NALF2: variants seen among roughly 807,000 people sequenced by gnomAD.
NALF2 encodes the protein NALCN channel auxiliary factor 2.
In NALF2, 1 loss-of-function variant was observed where a neutral mutation model predicts 24.8. The observed-to-expected ratio is 0.04, with a 90% CI of 0.01 to 0.19. The LOEUF is 0.19. Ranked by LOEUF, NALF2 falls within the 10% of genes least tolerant of loss-of-function variation. NALF2 has a pLI of 1.00. For synonymous variants in NALF2, 254 were observed against 189.8 expected (o/e 1.34, Z -2.78); for missense variants, 458 against 409.6 (o/e 1.12, Z -1.02).
chrX:69,505,548 A>T lies in NALF2; in HGVS notation c.266A>T (p.Gln89Leu). 1.0e-6 allele frequency: 1 copy of T among 956,658 alleles called. No homozygotes were observed. The highest frequency in any genetic ancestry group is 1.3e-6 in the Non-Finnish European group (1 of 772,230). The allele number at this position is 956,658 out of a possible 1,213,427, so 78.8% of individuals were successfully genotyped here. Residue 89 changes from glutamine to leucine, a missense_variant, in exon 1 of 3, where the codon CAG (glutamine) becomes CTG (leucine). Physicochemically the swap from Gln to Leu is moderately radical, Grantham distance 113 (BLOSUM62 -2). Transcript: ENST00000252338. ...RPPWGAGRER[Q>L]PVPPRAVLPL... ...CCATGGGGGGCCGGCCGGGAGCGGC[A>T]GCCGGTGCCTCCTCGCGCGGTGCTG...
At chrX:69,529,257 A>C (rs1240040492) in intron 2 of NALF2, 93 bp downstream of exon 2, 4 of 971,311 alleles carry the variant, frequency 4.1e-6, no homozygotes, top group East Asian at 6.6e-5. Context: ...ACAACAGGGG[A>C]GTCAGGTGAG....
At chrX:69,507,522 A>C (rs1339121192) in intron 1 of NALF2, among the ~76,000 whole-genome samples, 1 of 111,076 alleles carries the variant, frequency 9.0e-6, no homozygotes, top group Non-Finnish European at 1.9e-5. Context: ...ACACACTGCC[A>C]TACACCATCA....
At chrX:69,524,716 T>A (rs943451859) in intron 1 of NALF2, among the ~76,000 whole-genome samples, 1 of 111,430 alleles carries the variant, frequency 9.0e-6, no homozygotes, top group African/African-American at 3.3e-5. Context: ...GAAACAGGGC[T>A]GCAGAGTCTA....
At position 69,505,770 on chromosome X, in the gene NALF2, C is replaced by G. The variant is rs763487166; in HGVS notation, c.488C>G (p.Ala163Gly). ...AGACTTTTCGAACCGACTACTCCGG[C>G]CCCCCCTCTGCGGCCCCCTGACTCC... ...LQRLFEPTTPAPPLRPPDSLS... is the reference protein window; with the variant it reads ...LQRLFEPTTPGPPLRPPDSLS... The change falls in exon 1 of 3, where the codon GCC (alanine) becomes GGC (glycine). Residue 163 changes from alanine to glycine, a missense_variant. By Grantham distance (60) the Ala-to-Gly change is moderately conservative. Coordinates refer to ENST00000252338, the MANE Select transcript of NALF2 (RefSeq NM_015686.3). The G allele has an allele frequency of 2.5e-6, 3 of 1,208,363 alleles. No homozygotes were observed. Among genetic ancestry groups the G allele is most frequent in the Admixed American group, 2.2e-5 (1 of 45,944 alleles).
intron 1 of NALF2, among the ~76,000 whole-genome samples, chrX:69,522,048 G>T (rs912032930): frequency 4.5e-5 from 5 of 112,070 alleles, no homozygotes; most frequent in African/African-American, 1.6e-4. Context: ...TAAGAGCTGC[G>T]AGTGAAGCCA....
chrX:69,524,644 C>CCCT (rs140563275), intron 1 of NALF2, among the ~76,000 whole-genome samples: 1 of 109,657 alleles, frequency 9.1e-6, no homozygotes, highest in Admixed American at 9.7e-5. Context: ...CAACCTCCCC[C>CCCT]GTCAACCCCT....
chrX:69,505,732 G>T lies in NALF2; in HGVS notation c.450G>T (p.Leu150Phe). 19 of 1,211,282 alleles carry T rather than the reference G, an allele frequency of 1.6e-5. No individual in the cohort carries two copies. The highest frequency in any genetic ancestry group is 2.0e-5 in the Non-Finnish European group (18 of 895,186). ...PTGLDAACTK[L>F]QSLQRLFEPT... ...GGCTGGACGCAGCTTGCACCAAATT[G>T]CAATCTTTGCAGAGACTTTTCGAAC... The change falls in exon 1 of 3, where the codon TTG becomes TTT. Residue 150 changes from leucine (L) to phenylalanine (F), a missense_variant. Leu to Phe is a conservative substitution (Grantham distance 22). Transcript: ENST00000252338.
At chrX:69,517,473 G>A (rs888258995) in intron 1 of NALF2, among the ~76,000 whole-genome samples, 11 of 111,936 alleles carry the variant, frequency 9.8e-5, no homozygotes, top group Admixed American at 2.8e-4. Flanking sequence ...TAAATGTCTG[G>A]GTCAGGTGAT....
chrX:69,527,930 A>G (rs897166293), intron 1 of NALF2, among the ~76,000 whole-genome samples: 1 of 111,520 alleles, frequency 9.0e-6, no homozygotes, highest in South Asian at 3.8e-4. Flanking sequence ...AACTGGAGAC[A>G]ATACCCCTAC....
chrX:69,530,891 C>T lies in NALF2; in HGVS notation c.*935C>T, dbSNP rs1331345992. On this transcript the variant is annotated 3_prime_UTR_variant, in exon 3 of 3. Transcript: ENST00000252338. The stretch of plus-strand genomic sequence containing the variant: ...TATCTTACAGAAGGTGCACATACTC[C>T]CAAGGGCCACTCTTGCCCTGGAGAT... 1 of 112,941 alleles carries T rather than the reference C, an allele frequency of 8.9e-6. No individual in the cohort carries two copies. The highest frequency in any genetic ancestry group is 1.9e-5 in the Non-Finnish European group (1 of 53,249). The allele number at this position is 112,941 out of a possible 1,213,427, so 9.3% of individuals were successfully genotyped here.
intron 1 of NALF2, among the ~76,000 whole-genome samples, chrX:69,519,395 C>T (rs925352936): frequency 1.8e-5 from 2 of 110,744 alleles, no homozygotes; most frequent in African/African-American, 6.7e-5. Flanking sequence ...AAGATACAAT[C>T]TGTCCTTGGT....
At position 69,529,653 on chromosome X, in the gene NALF2, G is replaced by A. The variant is rs373799360; in HGVS notation, c.1116G>A (p.Lys372=). 12 of 1,208,554 alleles carry A rather than the reference G, an allele frequency of 9.9e-6. No individual in the cohort carries two copies. The African/African-American group carries it at 1.8e-4, about 18-fold the overall frequency. ...QWVSCEAKKK[K]FKESEAPKTH... ...TCTCCTGTGAGGCGAAGAAGAAGAAGTTCAAGGAGTCTGAGGCCCCCAAAA... is the reference window on the plus strand; with the variant it reads ...TCTCCTGTGAGGCGAAGAAGAAGAAATTCAAGGAGTCTGAGGCCCCCAAAA... Residue 372 remains lysine (K), a synonymous_variant, in exon 3 of 3, where the codon AAG becomes AAA. Coordinates refer to ENST00000252338, the MANE Select transcript of NALF2 (RefSeq NM_015686.3).
intron 1 of NALF2, among the ~76,000 whole-genome samples, chrX:69,527,364 A>G (rs1015640160): frequency 8.9e-6 from 1 of 112,451 alleles, no homozygotes; most frequent in Non-Finnish European, 1.9e-5. Flanking sequence ...ATCACCCACT[A>G]GTACCTCCCT....
At chrX:69,508,252 T>C (rs922471760) in intron 1 of NALF2, among the ~76,000 whole-genome samples, 1 of 111,607 alleles carries the variant, frequency 9.0e-6, no homozygotes, top group South Asian at 3.8e-4. Context: ...GTGTGTGTTA[T>C]GAGATCAAGG....
intron 1 of NALF2, among the ~76,000 whole-genome samples, chrX:69,513,729 CT>C (rs67752379): frequency 0.2 from 22,033 of 107,777 alleles, 1,991 homozygotes; most frequent in Non-Finnish European, 0.29. Context: ...AGCACTTAGT[CT>C]TTTTTTTTTC....
intron 1 of NALF2, among the ~76,000 whole-genome samples, chrX:69,523,983 TG>T (rs1441930399): frequency 8.9e-6 from 1 of 112,023 alleles, no homozygotes; most frequent in Non-Finnish European, 1.9e-5. Context: ...CAACCGTGGC[TG>T]CATACTAAAA....
In NALF2 at chrX:69,530,151, C is replaced by G. The variant is rs1930881929; in HGVS notation, c.*195C>G. 5 of 383,919 alleles carry G rather than the reference C, an allele frequency of 1.3e-5. No individual in the cohort carries two copies. The highest frequency in any genetic ancestry group is 2.2e-5 in the Non-Finnish European group (5 of 224,610). 31.6% of individuals were successfully genotyped at this position (383,919 alleles called of 1,213,427 possible). On this transcript the variant is annotated 3_prime_UTR_variant, in exon 3 of 3. Transcript: ENST00000252338. ...AGAATGGCCAGAGGGCCTCAGGGAG[C>G]TGCAAAACTCATCCAGGAGAAAAAG...
Position 69,505,221 on chromosome X carries a change from G to C in NALF2, c.-62G>C, listed in dbSNP as rs1351407311. ...GCGCAGAGCGGCGCGCAGCCCGCCC[G>C]CCCCAGACGGCCGTCTGGCCTCGCG... On this transcript the variant is annotated 5_prime_UTR_variant, in exon 1 of 3. Transcript: ENST00000252338. 11 of 1,065,670 alleles carry C rather than the reference G, an allele frequency of 1.0e-5. No individual in the cohort carries two copies. In the Admixed American group the frequency reaches 2.4e-4, roughly 23 times the overall value. The allele number at this position is 1,065,670 out of a possible 1,213,427, so 87.8% of individuals were successfully genotyped here.
chrX:69,506,429 C>G (rs1930488637), intron 1 of NALF2, among the ~76,000 whole-genome samples: 1 of 112,917 alleles, frequency 8.9e-6, no homozygotes, highest in Non-Finnish European at 1.9e-5. Context: ...GCCGCAGGGC[C>G]CTGGGCTGAC....
Sources: gnomAD v4.1 joint callset for allele counts (sites outside exome capture counted in the v4.1 genomes callset) on GRCh38, gnomAD v4.1.1 for gene constraint, MANE v1.5 for transcripts, NCBI Gene and HGNC (gene_info 2026-07-23, HGNC 2026-07-21) for gene names.